CD8A: variants seen among roughly 807,000 people sequenced by gnomAD.
CD8A encodes CD8 subunit alpha, also known as T-cell surface glycoprotein CD8 alpha chain.
In CD8A, 25 loss-of-function variants were observed where a neutral mutation model predicts 24.2. The observed-to-expected ratio is 1.03, with a 90% CI of 0.75 to 1.44. The LOEUF is 1.44. Ranked by LOEUF, CD8A falls within the 40% of genes most tolerant of loss-of-function variation. The probability of loss-of-function intolerance (pLI) is 0.00; values close to 1 mark genes in which losing one functional copy is unlikely to be tolerated. For synonymous variants in CD8A, 165 were observed against 149.9 expected, an observed-to-expected ratio of 1.10 and a Z score of -0.74; for missense variants, 360 against 319.7, an observed-to-expected ratio of 1.13 and a Z score of -0.96.
chr2:86,805,748 C>T (rs1573472768), intron 2 of CD8A, among the ~76,000 whole-genome samples: 1 of 152,140 alleles, frequency 6.6e-6, no homozygotes, highest in Non-Finnish European at 1.5e-5. Context: ...ACCTGATTTC[C>T]TTCCAACCAA....
At chr2:86,805,373 G>C (rs1049227130) in intron 2 of CD8A, among the ~76,000 whole-genome samples, 4 of 152,192 alleles carry the variant, frequency 2.6e-5, no homozygotes, top group African/African-American at 7.2e-5. Flanking sequence ...AGAAATGACT[G>C]ATTCGAAAGA....
At chr2:86,798,371 C>T (rs951115637) in intron 3 of CD8A, among the ~76,000 whole-genome samples, 2 of 151,904 alleles carry the variant, frequency 1.3e-5, no homozygotes, top group Admixed American at 1.3e-4. Context: ...GACAGGGTTT[C>T]TCCATGTTGG....
chr2:86,789,974 C>T (rs1416159236), intron 2 of CD8A, among the ~76,000 whole-genome samples: 1 of 152,098 alleles, frequency 6.6e-6, no homozygotes, highest in African/African-American at 2.4e-5. Context: ...GCGCAGGAGC[C>T]AGCTCCCCTG....
chr2:86,794,432 C>A (rs1424794086), upstream of CD8A, among the ~76,000 whole-genome samples: 1 of 152,136 alleles, frequency 6.6e-6, no homozygotes, highest in African/African-American at 2.4e-5. Context: ...CTGCTGTGTC[C>A]CCATCGCCAA....
At chr2:86,798,332 C>T (rs958419333) in intron 3 of CD8A, among the ~76,000 whole-genome samples, 4 of 151,520 alleles carry the variant, frequency 2.6e-5, no homozygotes, top group African/African-American at 7.3e-5. Context: ...TGCACCACCA[C>T]GTCCGGCTAA....
chr2:86,807,952 C>G (rs927203423), intron 1 of CD8A, among the ~76,000 whole-genome samples: 1 of 152,114 alleles, frequency 6.6e-6, no homozygotes, highest in Non-Finnish European at 1.5e-5. Flanking sequence ...GAGACAGGGT[C>G]TGCTGTAGAG....
intron 5 of CD8A, among the ~76,000 whole-genome samples, chr2:86,786,834 C>A (rs547160676): frequency 6.6e-5 from 10 of 151,810 alleles, no homozygotes; most frequent in Non-Finnish European, 1.2e-4. Context: ...TCCTGGCTAA[C>A]ACGGTGAAAC....
rs550062417 is a variant in CD8A, at chr2:86,806,516, G to A, written c.-418+931C>T. Among the ~76,000 whole-genome samples, 89 of 152,352 alleles carry A rather than the reference G, an allele frequency of 5.8e-4. 1 individual carries two copies. The highest frequency in any genetic ancestry group is 2.1e-3 in the African/African-American group (87 of 41,570). On this transcript the variant is annotated intron_variant, in intron 2 of 8. Coordinates refer to the CD8A transcript ENST00000409511. The stretch of plus-strand genomic sequence containing the variant: ...AGACTGAAGAGGATTTCTTAGTATG[G>A]TTTGTACCTTCCCAGTAGAGCAGGA...
rs1182518078 is a variant in CD8A, at chr2:86,784,797, T to C, written c.*1123A>G. ...GGTGAAGAATTATGAGTGGTTCTTA[T>C]TTCCTTATCTACTTAAGTTTTTTCT... On this transcript the variant is annotated 3_prime_UTR_variant, in exon 6 of 6. Coordinates refer to ENST00000283635, the MANE Select transcript of CD8A (RefSeq NM_001768.7). 2 of 454,148 alleles carry C rather than the reference T, an allele frequency of 4.4e-6. No individual in the cohort carries two copies. The highest frequency in any genetic ancestry group is 4.7e-5 in the Admixed American group (2 of 42,580). 28.1% of individuals were successfully genotyped at this position (454,148 alleles called of 1,614,324 possible).
intron 3 of CD8A, 72 bp from the exon 4 acceptor site, chr2:86,789,505 C>A: frequency 7.3e-7 from 1 of 1,376,114 alleles, no homozygotes; most frequent in Non-Finnish European, 1.0e-6. Context: ...GTCCCGGGAA[C>A]GTCTCTCCGC....
Position 86,785,664 on chromosome 2 carries a change from C to T in CD8A, c.*256G>A, listed in dbSNP as rs1334033266. Reference sequence around the variant, plus strand: ...TGAGAACTCTGCGGGTAGCTCTGGCCTGCCCCTTTCCACGCCCTACCGCGA... The same window carrying T: ...TGAGAACTCTGCGGGTAGCTCTGGCTTGCCCCTTTCCACGCCCTACCGCGA... On this transcript the variant is annotated 3_prime_UTR_variant, in exon 6 of 6. Coordinates refer to ENST00000283635, the MANE Select transcript of CD8A (RefSeq NM_001768.7). 2 of 670,214 alleles carry T rather than the reference C, an allele frequency of 3.0e-6. No homozygotes were observed. The highest frequency in any genetic ancestry group is 1.8e-5 in the African/African-American group (1 of 56,688). 41.5% of individuals were successfully genotyped at this position (670,214 alleles called of 1,614,324 possible).
At chr2:86,786,880 T>C (rs1179439188) in intron 5 of CD8A, among the ~76,000 whole-genome samples, 3 of 150,850 alleles carry the variant, frequency 2.0e-5, no homozygotes, top group East Asian at 2.0e-4. Context: ...ATTAGCCGGG[T>C]GTTGTGGCGG....
upstream of CD8A, among the ~76,000 whole-genome samples, chr2:86,795,327 G>C (rs973194759): frequency 2.0e-5 from 3 of 152,182 alleles, no homozygotes; most frequent in African/African-American, 4.8e-5. Flanking sequence ...GTCAGGAAAG[G>C]CTTCACATAT....
At chr2:86,802,405 T>A (rs1323916233) in intron 2 of CD8A, among the ~76,000 whole-genome samples, 3 of 152,198 alleles carry the variant, frequency 2.0e-5, no homozygotes, top group African/African-American at 4.8e-5. Flanking sequence ...AGGACAATTG[T>A]GCACTATTAA....
At chr2:86,804,837 C>G (rs1483250373) in intron 2 of CD8A, among the ~76,000 whole-genome samples, 2 of 130,558 alleles carry the variant, frequency 1.5e-5, no homozygotes, top group Non-Finnish European at 3.1e-5. Context: ...GAGTCTCGCT[C>G]TGTCACCCAG....
Position 86,804,455 on chromosome 2 carries a change from T to C in CD8A, c.-417-2798A>G, listed in dbSNP as rs1673775027. Among the ~76,000 whole-genome samples, 3 of 152,122 alleles carry C rather than the reference T, an allele frequency of 2.0e-5. 1 individual carries two copies. The South Asian group carries it at 6.2e-4, about 32-fold the overall frequency. On this transcript the variant is annotated intron_variant, in intron 2 of 8. Transcript: ENST00000409511. ...AGGAGTGGGAGTTATGTTTAACGGT[T>C]ATAGAGTTTTAGTTTTTCTAGATGA...
Position 86,789,660 on chromosome 2 carries a change from C to A in CD8A, c.494G>T (p.Arg165Leu), listed in dbSNP as rs924437954. The change falls in exon 3 of 6, where the codon CGG becomes CTG. Residue 165 changes from arginine (R) to leucine (L), a missense_variant. By Grantham distance (102) the Arg-to-Leu change is moderately radical. Coordinates refer to ENST00000283635, the MANE Select transcript of CD8A (RefSeq NM_001768.7). ...CTCACCTGCGCCCCCCGCCGCTGGCCGGCACGCCTCTGGGCGCAGGGACAG... is the reference window on the plus strand; with the variant it reads ...CTCACCTGCGCCCCCCGCCGCTGGCAGGCACGCCTCTGGGCGCAGGGACAG... ...QPLSLRPEAC[R>L]PAAGGAVHTR... is the part of the protein sequence containing the mutation. 3.4e-6 allele frequency: 5 copies of A among 1,482,346 alleles called. No individual in the cohort carries two copies. Among genetic ancestry groups the A allele is most frequent in the Admixed American group, 4.7e-5 (2 of 42,632 alleles). 91.8% of individuals were successfully genotyped at this position (1,482,346 alleles called of 1,614,324 possible).
chr2:86,789,946 C>A (rs2944250), intron 2 of CD8A, among the ~76,000 whole-genome samples, 196 bp from the exon 3 acceptor site: 1 of 152,040 alleles, frequency 6.6e-6, no homozygotes, highest in African/African-American at 2.4e-5. Context: ...CCCAGCGCAC[C>A]CGGCGCCCAG....
chr2:86,806,601 C>A lies in CD8A; in HGVS notation c.-418+846G>T, dbSNP rs78693623. Reference sequence around the variant, plus strand: ...ACGCTGAGGTCAACTGCCCTTTGGGCGGGGCACGTTGGCTCACGCATCTAA... The same window carrying A: ...ACGCTGAGGTCAACTGCCCTTTGGGAGGGGCACGTTGGCTCACGCATCTAA... On this transcript the variant is annotated intron_variant, in intron 2 of 8. Transcript: ENST00000409511. Among the ~76,000 whole-genome samples, 874 of 152,312 alleles carry A rather than the reference C, an allele frequency of 5.7e-3. 10 individuals are homozygous for A. Among genetic ancestry groups the A allele is most frequent in the African/African-American group, 0.02 (823 of 41,574 alleles).
Sources: allele counts gnomAD v4.1 joint callset (sites outside exome capture counted in the v4.1 genomes callset), GRCh38; gene constraint gnomAD v4.1.1; transcripts MANE v1.5; gene names NCBI Gene and HGNC (gene_info 2026-07-23, HGNC 2026-07-21).